SLC29A1: variants seen among roughly 807,000 people sequenced by gnomAD.
SLC29A1 encodes equilibrative nucleoside transporter 1.
In SLC29A1, 22 loss-of-function variants were observed where a neutral mutation model predicts 48.3. The ratio of observed to expected loss-of-function variants is 0.46; its 90% confidence interval spans 0.33 to 0.65. SLC29A1 has a LOEUF of 0.65. Among genes scored for constraint, SLC29A1 ranks in the 30% least tolerant of loss-of-function variants. SLC29A1 has a pLI of 0.03. For missense variants in SLC29A1, 491 were observed against 575.3 expected, an observed-to-expected ratio of 0.85 and a Z score of 1.50; for synonymous variants, 228 against 231.0, an observed-to-expected ratio of 0.99 and a Z score of 0.12.
At chr6:44,233,171 AG>A (rs994950713) in intron 12 of SLC29A1, among the ~76,000 whole-genome samples, 165 bp downstream of exon 12, 2 of 152,012 alleles carry the variant, frequency 1.3e-5, no homozygotes, top group African/African-American at 2.4e-5. Context: ...ACTGTAGTGG[AG>A]GGGGGCGCCA....
At chr6:44,226,873 C>T (rs1035949545) in intron 1 of SLC29A1, 14 of 1,051,120 alleles carry the variant, frequency 1.3e-5, no homozygotes, top group Admixed American at 4.9e-5. Flanking sequence ...CATCACTGTC[C>T]CTGACCCCTC....
chr6:44,224,005 T>TGGGGAG, intron 1 of SLC29A1: 2 of 877,460 alleles, frequency 2.3e-6, no homozygotes, highest in African/African-American at 3.7e-5. Context: ...CGGAGGGGTA[T>TGGGGAG]GGGGATGGGG....
In SLC29A1 at chr6:44,232,466, G is replaced by A. The variant is rs150258339; in HGVS notation, c.1059+38G>A. ...AGAGGGCCCCAGGCCCCTGTGGGAAGTAAGAGTCCAGCCTGGACCCAGAGA... is the reference window on the plus strand; with the variant it reads ...AGAGGGCCCCAGGCCCCTGTGGGAAATAAGAGTCCAGCCTGGACCCAGAGA... On this transcript the variant is annotated intron_variant, in intron 11 of 12. Transcript: ENST00000371755. The surrounding 1 kb of genome is among the most constrained non-coding windows in gnomAD (Gnocchi z 4.7). The A allele has an allele frequency of 5.8e-4, 807 of 1,394,804 alleles. 2 individuals are homozygous for A. Among genetic ancestry groups the A allele is most frequent in the Middle Eastern group, 1.2e-3 (7 of 5,618 alleles). The allele number at this position is 1,394,804 out of a possible 1,614,324, so 86.4% of individuals were successfully genotyped here.
Position 44,223,780 on chromosome 6 carries a change from C to T in SLC29A1, c.-52+139C>T. The T allele has an allele frequency of 9.7e-7, 1 of 1,029,102 alleles. No individual in the cohort carries two copies. Among genetic ancestry groups the T allele is most frequent in the Non-Finnish European group, 1.2e-6 (1 of 854,800 alleles). 63.7% of individuals were successfully genotyped at this position (1,029,102 alleles called of 1,614,324 possible). A position where few individuals can be genotyped will look rare whatever the true frequency, so the allele number is the denominator to read the frequency against. ...AGGGACGCCGGGTGGGGCCCCAGTG[C>T]GGAGCGTGCGGAGCCGCGCAGCACG... On this transcript the variant is annotated intron_variant, in intron 1 of 12. Transcript: ENST00000371755. This position sits in a 1 kb window ranked among gnomAD's most constrained non-coding sequence, Gnocchi z 5.0.
rs1776784328 is a variant in SLC29A1 at position 44,223,718 on chromosome 6, C to T, written c.-52+77C>T. On this transcript the variant is annotated intron_variant, in intron 1 of 12. Transcript: ENST00000371755. This position sits in a 1 kb window ranked among gnomAD's most constrained non-coding sequence, Gnocchi z 5.0. ...GCCGCTGCCCGCCTGCCACGGAGGG[C>T]AGGGAGGGCGGGCCTGACGGCTCCG... is the stretch of plus-strand genomic sequence containing the variant. The T allele has an allele frequency of 1.9e-6, 2 of 1,080,090 alleles. No homozygotes were observed. Among genetic ancestry groups the T allele is most frequent in the South Asian group, 4.3e-5 (2 of 46,242 alleles). 66.9% of individuals were successfully genotyped at this position (1,080,090 alleles called of 1,614,324 possible).
In SLC29A1 at chr6:44,232,693, G is replaced by A; in HGVS notation, c.1060-114G>A. 2 of 966,522 alleles carry A rather than the reference G, an allele frequency of 2.1e-6. No homozygotes were observed. Among genetic ancestry groups the A allele is most frequent in the Non-Finnish European group, 3.2e-6 (2 of 631,006 alleles). The allele number at this position is 966,522 out of a possible 1,614,324, so 59.9% of individuals were successfully genotyped here. On this transcript the variant is annotated intron_variant, in intron 11 of 12. Transcript: ENST00000371755. The surrounding 1 kb of genome is among the most constrained non-coding windows in gnomAD (Gnocchi z 4.7). ...CCTTTCAAGAGTAACCCCCTAAGGA[G>A]AACCAGGCTTTGAGGTTTCAGTTCA...
chr6:44,226,807 C>T (rs1777633514), intron 1 of SLC29A1: 11 of 1,010,536 alleles, frequency 1.1e-5, no homozygotes, highest in African/African-American at 1.7e-5. Context: ...GTCCTTCCTC[C>T]TCCTCCCCCG....
upstream of SLC29A1, chr6:44,219,868 A>AG (rs936161988): frequency 7.0e-5 from 71 of 1,007,124 alleles, no homozygotes; most frequent in Non-Finnish European, 8.6e-5. Context: ...CGGGCGGGAC[A>AG]GGGGGCCAGT....
chr6:44,224,446 A>G (rs1777050175), intron 1 of SLC29A1, among the ~76,000 whole-genome samples: 1 of 151,708 alleles, frequency 6.6e-6, no homozygotes, highest in African/African-American at 2.4e-5. Flanking sequence ...TTTTCCCTTT[A>G]GTTGAATCAG....
chr6:44,220,701 C>G (rs998879953), upstream of SLC29A1, among the ~76,000 whole-genome samples: 1 of 151,288 alleles, frequency 6.6e-6, no homozygotes, highest in Non-Finnish European at 1.5e-5. Flanking sequence ...GGCACGTGCC[C>G]GTAATCCCAG....
chr6:44,220,033 G>A (rs1776155140), upstream of SLC29A1, among the ~76,000 whole-genome samples: 1 of 152,184 alleles, frequency 6.6e-6, no homozygotes. Flanking sequence ...ATAGGGTAGG[G>A]GGAAGAGGTC....
chr6:44,221,369 A>C (rs59732150), upstream of SLC29A1, among the ~76,000 whole-genome samples: 975 of 152,324 alleles, frequency 6.4e-3, 5 homozygotes, highest in African/African-American at 0.021. This position sits in a 1 kb window ranked among gnomAD's most constrained non-coding sequence, Gnocchi z 4.2. Flanking sequence ...GGCCAAGCAA[A>C]CACACTTCCA....
At chr6:44,233,324 C>A in intron 12 of SLC29A1, 93 bp from the exon 13 acceptor site, 1 of 1,068,320 alleles carries the variant, frequency 9.4e-7, no homozygotes, top group South Asian at 1.3e-5. Flanking sequence ...GTTCGACAGT[C>A]AAGTTGCTCC....
Position 44,229,842 on chromosome 6 carries a change from G to C in SLC29A1, c.314+51G>C. 6.2e-7 allele frequency: 1 copy of C among 1,607,920 alleles called. No individual in the cohort carries two copies. The highest frequency in any genetic ancestry group is 1.1e-5 in the South Asian group (1 of 90,994). ...CCCAGCCTGACCCTCACTGTGTCCTGCACCCCCTTGGCTGAGCCCCAGCTT... is the reference window on the plus strand; with the variant it reads ...CCCAGCCTGACCCTCACTGTGTCCTCCACCCCCTTGGCTGAGCCCCAGCTT... On this transcript the variant is annotated intron_variant, in intron 4 of 12. Transcript: ENST00000371755. The surrounding 1 kb of genome is among the most constrained non-coding windows in gnomAD (Gnocchi z 5.1).
rs778772670 is a variant in SLC29A1 at position 44,232,891 on chromosome 6, C to T, written c.1144C>T (p.Pro382Ser). 1.2e-6 allele frequency: 2 copies of T among 1,614,106 alleles called. No individual in the cohort carries two copies. Among genetic ancestry groups the T allele is most frequent in the East Asian group, 2.2e-5 (1 of 44,892 alleles). Reference protein sequence around the residue: ...VPLLLLCNIKPRRYLTVVFEH... With the variant: ...VPLLLLCNIKSRRYLTVVFEH... ...ACTGCTGCTGCTGTGCAACATTAAG[C>T]CCCGCCGCTACCTGACTGTGGTCTT... Residue 382 changes from proline (P) to serine (S), a missense_variant, in exon 12 of 13, where the codon CCC becomes TCC. Transcript: ENST00000371755. The surrounding 1 kb of genome is among the most constrained non-coding windows in gnomAD (Gnocchi z 4.7).
upstream of SLC29A1, among the ~76,000 whole-genome samples, chr6:44,222,610 G>A (rs1776575677): frequency 6.6e-6 from 1 of 152,046 alleles, no homozygotes; most frequent in Non-Finnish European, 1.5e-5. Flanking sequence ...CTGCTGGAAG[G>A]GCAGGGAGTG....
At chr6:44,233,384 C>T (rs766551495) in intron 12 of SLC29A1, 33 bp from the exon 13 acceptor site, 1 of 1,564,714 alleles carries the variant, frequency 6.4e-7, no homozygotes, top group Non-Finnish European at 8.8e-7. Flanking sequence ...TACAGCCATT[C>T]TGAGGTAGCC....
Position 44,229,535 on chromosome 6 carries a change from T to C in SLC29A1, c.112-54T>C. The C allele has an allele frequency of 1.2e-6, 2 of 1,611,092 alleles. No individual in the cohort carries two copies. Among genetic ancestry groups the C allele is most frequent in the Non-Finnish European group, 1.7e-6 (2 of 1,177,258 alleles). On this transcript the variant is annotated intron_variant, in intron 3 of 12. Transcript: ENST00000371755. This position sits in a 1 kb window ranked among gnomAD's most constrained non-coding sequence, Gnocchi z 5.1. ...ACTGTGCTTGCAGGATCTGACTCTG[T>C]GCTGGTAGGCACAGGGAAAGAGATT...
At position 44,232,714 on chromosome 6, in the gene SLC29A1, G is replaced by A; in HGVS notation, c.1060-93G>A. Reference sequence around the variant, plus strand: ...AGGAGAACCAGGCTTTGAGGTTTCAGTTCAGATCCTGAGGGGCCCCAGATG... The same window carrying A: ...AGGAGAACCAGGCTTTGAGGTTTCAATTCAGATCCTGAGGGGCCCCAGATG... On this transcript the variant is annotated intron_variant, in intron 11 of 12. Transcript: ENST00000371755. The surrounding 1 kb of genome is among the most constrained non-coding windows in gnomAD (Gnocchi z 4.7). The A allele has an allele frequency of 8.2e-7, 1 of 1,224,450 alleles. No homozygotes were observed. Among genetic ancestry groups the A allele is most frequent in the South Asian group, 1.3e-5 (1 of 79,474 alleles). The allele number at this position is 1,224,450 out of a possible 1,614,324, so 75.8% of individuals were successfully genotyped here. A position where few individuals can be genotyped will look rare whatever the true frequency, so the allele number is the denominator to read the frequency against.
Sources: gnomAD v4.1 joint callset for allele counts (sites outside exome capture counted in the v4.1 genomes callset) on GRCh38, gnomAD v4.1.1 for gene constraint, Gnocchi (gnomAD v3.1) non-coding constraint, MANE v1.5 for transcripts, NCBI Gene and HGNC (gene_info 2026-07-23, HGNC 2026-07-21) for gene names.